Variants in GNA14 observed in about 807,000 individuals in gnomAD.
GNA14 encodes G protein subunit alpha 14, also known as guanine nucleotide-binding protein subunit alpha-14.
Under a neutral mutation model 42.0 loss-of-function variants are expected in GNA14, and 50 were observed. The observed-to-expected ratio is 1.19, with a 90% CI of 0.95 to 1.51. GNA14 has a LOEUF of 1.51. GNA14 is among the 40% of genes most tolerant of loss of function. The pLI is 0.00. For missense variants in GNA14, 473 were observed against 446.2 expected (o/e 1.06, Z -0.54); for synonymous variants, 173 against 163.1 (o/e 1.06, Z -0.46).
chr9:77,471,235 A>G (rs903894037), intron 2 of GNA14, among the ~76,000 whole-genome samples: 5 of 152,302 alleles, frequency 3.3e-5, no homozygotes, highest in African/African-American at 1.2e-4. Context: ...TTTGCATGCT[A>G]TGGAATCTGG....
intron 2 of GNA14, among the ~76,000 whole-genome samples, chr9:77,484,364 C>T (rs924584212): frequency 2.6e-5 from 4 of 152,058 alleles, no homozygotes; most frequent in African/African-American, 4.8e-5. Flanking sequence ...AAAATTAAAA[C>T]GTGTTCAAAA....
At chr9:77,634,004 C>T (rs1022183187) in intron 1 of GNA14, among the ~76,000 whole-genome samples, 4 of 152,100 alleles carry the variant, frequency 2.6e-5, no homozygotes, top group Non-Finnish European at 4.4e-5. Flanking sequence ...AAAAAAGACT[C>T]GATTCTGGTG....
intron 2 of GNA14, among the ~76,000 whole-genome samples, chr9:77,520,067 G>T (rs1040169811): frequency 6.6e-6 from 1 of 152,080 alleles, no homozygotes; most frequent in Non-Finnish European, 1.5e-5. Flanking sequence ...ACATAGCCAT[G>T]CAATAAAACT....
intron 1 of GNA14, among the ~76,000 whole-genome samples, chr9:77,637,762 A>G (rs7867497): frequency 0.25 from 37,482 of 152,102 alleles, 6,538 homozygotes; most frequent in African/African-American, 0.49. Context: ...GCTGAGGTGG[A>G]AGGATTGCTT....
chr9:77,481,062 G>C (rs1466787663), intron 2 of GNA14, among the ~76,000 whole-genome samples: 4 of 151,802 alleles, frequency 2.6e-5, no homozygotes, highest in Non-Finnish European at 5.9e-5. Flanking sequence ...GTTCTGCTCT[G>C]ATTTTAGTTA....
At chr9:77,430,385 A>G (rs1835525690) in intron 4 of GNA14, among the ~76,000 whole-genome samples, 1 of 152,238 alleles carries the variant, frequency 6.6e-6, no homozygotes, top group Non-Finnish European at 1.5e-5. Flanking sequence ...TTAAAACAAA[A>G]CGAATAAACA....
chr9:77,596,809 G>C (rs1414032707), intron 1 of GNA14, among the ~76,000 whole-genome samples: 1 of 152,138 alleles, frequency 6.6e-6, no homozygotes, highest in African/African-American at 2.4e-5. Flanking sequence ...CATTTGGAGA[G>C]GCTAATCAGA....
chr9:77,444,200 G>T (rs1313132816), intron 2 of GNA14, among the ~76,000 whole-genome samples: 4 of 152,202 alleles, frequency 2.6e-5, no homozygotes, highest in Admixed American at 6.5e-5. Flanking sequence ...AGAAGAAATG[G>T]AAAGAGACTT....
At chr9:77,450,105 T>A (rs547228127) in intron 2 of GNA14, among the ~76,000 whole-genome samples, 4 of 152,324 alleles carry the variant, frequency 2.6e-5, no homozygotes, top group African/African-American at 9.6e-5. Context: ...GGCTGCAGGA[T>A]TCTGGAGCTT....
chr9:77,580,524 A>G (rs1823203977), intron 1 of GNA14: 1 of 444,504 alleles, frequency 2.2e-6, no homozygotes, highest in South Asian at 2.3e-5. Flanking sequence ...AGGTAGATGA[A>G]GACCCCATCA....
rs67044542 is a variant in GNA14, at chr9:77,603,956, C to CAAAAAAAAAAAAAAAAAAAA, written c.124+43694_124+43713dup. Reference sequence around the variant, plus strand: ...AAGACTCCATCTCAAAAAAAAAAAACAAAAAAAAAAAAAAAAAAAAAAAAA... The same window carrying CAAAAAAAAAAAAAAAAAAAA: ...AAGACTCCATCTCAAAAAAAAAAAACAAAAAAAAAAAAAAAAAAAAAAAAAAAAAAAAAAAAAAAAAAAAA... On this transcript the variant is annotated intron_variant, in intron 1 of 6. Coordinates refer to ENST00000341700, the MANE Select transcript of GNA14 (RefSeq NM_004297.4). 9.3e-4 allele frequency among the ~76,000 whole-genome samples: 76 copies of CAAAAAAAAAAAAAAAAAAAA among 81,594 alleles called. 1 individual carries two copies. The highest frequency in any genetic ancestry group is 1.5e-3 in the Admixed American group (8 of 5,412). The allele number at this position is 81,594 out of a possible 152,430, so 53.5% of individuals were successfully genotyped here. A position where few individuals can be genotyped will look rare whatever the true frequency, so the allele number is the denominator to read the frequency against.
chr9:77,515,960 C>CAAAAAAAAAAAAAAAAAAAA lies in GNA14; in HGVS notation c.309+13089_309+13108dup, dbSNP rs1158448237. Among the ~76,000 whole-genome samples the CAAAAAAAAAAAAAAAAAAAA allele has an allele frequency of 2.5e-4, 13 of 52,732 alleles. 2 individuals carry two copies. The highest frequency in any genetic ancestry group is 3.6e-4 in the Non-Finnish European group (10 of 28,168). The allele number at this position is 52,732 out of a possible 152,430, so 34.6% of individuals were successfully genotyped here. A position where few individuals can be genotyped will look rare whatever the true frequency, so the allele number is the denominator to read the frequency against. On this transcript the variant is annotated intron_variant, in intron 2 of 6. Coordinates refer to ENST00000341700, the MANE Select transcript of GNA14 (RefSeq NM_004297.4). ...GGCAACGCAGCAAGACCCTGTCTCA[C>CAAAAAAAAAAAAAAAAAAAA]AAAAAAAAAAAAAAAAAAAAAAACC...
chr9:77,642,643 C>T (rs937255531), intron 1 of GNA14, among the ~76,000 whole-genome samples: 5 of 152,040 alleles, frequency 3.3e-5, no homozygotes, highest in Non-Finnish European at 7.4e-5. Context: ...GTAGTGGATG[C>T]CTGTAATTCC....
chr9:77,572,944 C>T (rs1231240084), intron 1 of GNA14, among the ~76,000 whole-genome samples: 1 of 152,116 alleles, frequency 6.6e-6, no homozygotes, highest in Admixed American at 6.5e-5. Flanking sequence ...TTAGGATTTG[C>T]AGAAATAAAC....
At chr9:77,604,282 C>T (rs1465531599) in intron 1 of GNA14, among the ~76,000 whole-genome samples, 1 of 152,186 alleles carries the variant, frequency 6.6e-6, no homozygotes, top group Non-Finnish European at 1.5e-5. Context: ...CAGTCCTGTG[C>T]TTTGTATTTA....
chr9:77,432,108 T>TAAA (rs10624008), intron 3 of GNA14, among the ~76,000 whole-genome samples: 7 of 142,352 alleles, frequency 4.9e-5, no homozygotes, highest in Middle Eastern at 3.4e-3. Context: ...GAGAATCCTT[T>TAAA]AAAAAAAAAA....
intron 1 of GNA14, among the ~76,000 whole-genome samples, chr9:77,552,148 A>T (rs1026359401): frequency 2.0e-5 from 3 of 146,720 alleles, no homozygotes; most frequent in Non-Finnish European, 3.0e-5. Context: ...AAAAAAAAAG[A>T]AAAAGAAAGA....
intron 1 of GNA14, among the ~76,000 whole-genome samples, chr9:77,605,363 G>A (rs533990678): frequency 3.9e-5 from 6 of 152,302 alleles, no homozygotes; most frequent in East Asian, 1.9e-4. Context: ...CAGCCACCCC[G>A]GTGATGGGGT....
chr9:77,620,062 A>T (rs1469154446), intron 1 of GNA14, among the ~76,000 whole-genome samples: 2 of 152,120 alleles, frequency 1.3e-5, no homozygotes, highest in Admixed American at 6.5e-5. Context: ...CCTCAGTTAC[A>T]CTGGAGGCAC....
Sources: allele counts gnomAD v4.1 joint callset (sites outside exome capture counted in the v4.1 genomes callset), GRCh38; gene constraint gnomAD v4.1.1; transcripts MANE v1.5; gene names NCBI Gene and HGNC (gene_info 2026-07-23, HGNC 2026-07-21).